The following RBFOX1 variants were observed in gnomAD, a reference collection of about 807,000 sequenced individuals.
The protein encoded by RBFOX1 is RNA binding protein fox-1 homolog 1.
Under a neutral mutation model 57.7 loss-of-function variants are expected in RBFOX1, and 8 were observed. The observed-to-expected ratio is 0.14, with a 90% CI of 0.08 to 0.25. RBFOX1 has a LOEUF of 0.25. RBFOX1 is among the 10% of genes least tolerant of loss of function. The pLI, the probability that RBFOX1 is intolerant of heterozygous loss-of-function variation, is 1.00. For missense variants in RBFOX1, 611 were observed against 548.5 expected (o/e 1.11, Z -1.14); for synonymous variants, 326 against 222.4 (o/e 1.47, Z -4.15).
intron 1 of RBFOX1, among the ~76,000 whole-genome samples, chr16:6,164,995 T>A (rs897932872): frequency 6.6e-6 from 1 of 152,172 alleles, no homozygotes; most frequent in African/African-American, 2.4e-5. Flanking sequence ...TTGTTATTTA[T>A]ATGTATATTT....
chr16:6,797,575 T>C (rs990802554), intron 3 of RBFOX1, among the ~76,000 whole-genome samples: 11 of 152,164 alleles, frequency 7.2e-5, no homozygotes, highest in African/African-American at 2.7e-4. Context: ...AGAAGCACTT[T>C]CCATTTTCAT....
chr16:6,930,293 T>C (rs1228856548), intron 3 of RBFOX1, among the ~76,000 whole-genome samples: 2 of 152,150 alleles, frequency 1.3e-5, no homozygotes, highest in African/African-American at 2.4e-5. Flanking sequence ...CTCCAAAAGA[T>C]ATATACAAAT....
At chr16:7,495,201 C>A (rs544286226) in intron 4 of RBFOX1, among the ~76,000 whole-genome samples, 1 of 152,244 alleles carries the variant, frequency 6.6e-6, no homozygotes, top group African/African-American at 2.4e-5. Context: ...ACCACATTTT[C>A]TTTATCCAGT....
chr16:7,060,466 C>T (rs1017523151), intron 4 of RBFOX1, among the ~76,000 whole-genome samples: 1 of 152,182 alleles, frequency 6.6e-6, no homozygotes, highest in Non-Finnish European at 1.5e-5. Flanking sequence ...GAAGTTATTT[C>T]TATATCACTT....
intron 2 of RBFOX1, among the ~76,000 whole-genome samples, chr16:6,569,706 T>C (rs1167400942): frequency 1.3e-5 from 2 of 152,186 alleles, no homozygotes; most frequent in Admixed American, 1.3e-4. Flanking sequence ...CAATAACAGC[T>C]TACCTACCAT....
intron 3 of RBFOX1, among the ~76,000 whole-genome samples, chr16:5,723,719 A>T (rs527278581): frequency 6.6e-6 from 1 of 152,038 alleles, no homozygotes; most frequent in Non-Finnish European, 1.5e-5. Context: ...CTTGGGCTGG[A>T]TGGTGTCTGA....
intron 4 of RBFOX1, among the ~76,000 whole-genome samples, chr16:7,369,935 G>T (rs569729060): frequency 6.6e-6 from 1 of 152,150 alleles, no homozygotes; most frequent in Non-Finnish European, 1.5e-5. Context: ...AAATGTTAAC[G>T]GGCTTGCTTG....
At chr16:5,785,870 C>T (rs539793060) in intron 3 of RBFOX1, among the ~76,000 whole-genome samples, 16 of 152,072 alleles carry the variant, frequency 1.1e-4, no homozygotes, top group Non-Finnish European at 1.8e-4. Flanking sequence ...CTCTTCATTC[C>T]CACTGTCATT....
At chr16:6,431,373 C>G (rs904521515) in intron 2 of RBFOX1, among the ~76,000 whole-genome samples, 2 of 151,926 alleles carry the variant, frequency 1.3e-5, no homozygotes, top group Admixed American at 1.3e-4. Flanking sequence ...AAAAGTCTTT[C>G]CACAAGCCCT....
chr16:5,522,593 T>A (rs1434322664), intron 2 of RBFOX1, among the ~76,000 whole-genome samples: 1 of 152,222 alleles, frequency 6.6e-6, no homozygotes, highest in Non-Finnish European at 1.5e-5. Context: ...CAGTACATTC[T>A]TAACTATAGT....
intron 3 of RBFOX1, among the ~76,000 whole-genome samples, chr16:5,684,446 C>A (rs963471316): frequency 6.6e-6 from 1 of 152,126 alleles, no homozygotes. Context: ...GCAACTCCCA[C>A]GTGGCACCAG....
At chr16:6,538,879 G>A (rs1387106310) in intron 2 of RBFOX1, among the ~76,000 whole-genome samples, 1 of 152,114 alleles carries the variant, frequency 6.6e-6, no homozygotes, top group African/African-American at 2.4e-5. Flanking sequence ...TAGATTGAAG[G>A]GATTAGCTCC....
intron 4 of RBFOX1, 138 bp from the exon 5 acceptor site, chr16:7,518,009 T>A: frequency 1.0e-6 from 1 of 1,000,204 alleles, no homozygotes; most frequent in Non-Finnish European, 1.4e-6. Flanking sequence ...CTGAGATTGG[T>A]CCATCTCAGG....
intron 4 of RBFOX1, among the ~76,000 whole-genome samples, chr16:7,096,343 C>A (rs576900008): frequency 6.6e-6 from 1 of 152,234 alleles, no homozygotes; most frequent in South Asian, 2.1e-4. Flanking sequence ...ATCATCTCAC[C>A]ATGTCATGGA....
intron 1 of RBFOX1, among the ~76,000 whole-genome samples, chr16:5,345,229 G>A (rs2065115070): frequency 1.3e-5 from 2 of 152,156 alleles, no homozygotes; most frequent in Non-Finnish European, 2.9e-5. Flanking sequence ...CCGCTTTGTG[G>A]CCCAAGCTGC....
At chr16:7,409,015 C>G (rs754972826) in intron 4 of RBFOX1, among the ~76,000 whole-genome samples, 1 of 152,142 alleles carries the variant, frequency 6.6e-6, no homozygotes, top group Non-Finnish European at 1.5e-5. Context: ...CTACTTTCTC[C>G]TGGGCTGGGC....
chr16:6,496,721 A>G (rs923557383), intron 2 of RBFOX1, among the ~76,000 whole-genome samples: 11 of 152,138 alleles, frequency 7.2e-5, no homozygotes, highest in Non-Finnish European at 1.3e-4. Flanking sequence ...GCACTGTGGG[A>G]GGCCAGGGTG....
At position 6,160,513 on chromosome 16, in the gene RBFOX1, G is replaced by A. The variant is rs146674825; in HGVS notation, c.-127+140521G>A. Among the ~76,000 whole-genome samples the A allele has an allele frequency of 3.2e-4, 48 of 152,188 alleles. 2 individuals carry two copies. The East Asian group carries it at 6.0e-3, about 19-fold the overall frequency. ...AGCACCATCACCCTGGGCAAACACC[G>A]TCATCTTTGAGTCATTACCACCAGA... is the stretch of plus-strand genomic sequence containing the variant. On this transcript the variant is annotated intron_variant, in intron 1 of 15. Coordinates refer to ENST00000550418, the MANE Select transcript of RBFOX1 (RefSeq NM_018723.4).
intron 4 of RBFOX1, among the ~76,000 whole-genome samples, chr16:7,076,037 C>CT (rs569963374): frequency 0.024 from 3,431 of 140,528 alleles, 145 homozygotes; most frequent in African/African-American, 0.081. Flanking sequence ...CACACTTGGG[C>CT]TTTTTTTTTT....
Sources: allele counts gnomAD v4.1 joint callset (sites outside exome capture counted in the v4.1 genomes callset), GRCh38; gene constraint gnomAD v4.1.1; transcripts MANE v1.5; gene names NCBI Gene and HGNC (gene_info 2026-07-23, HGNC 2026-07-21).